Variants in DHX32 observed in about 807,000 individuals in gnomAD.
The protein encoded by DHX32 is DEAH-box helicase 32 (putative).
In DHX32, 51 loss-of-function variants were observed where a neutral mutation model predicts 70.0. The observed-to-expected ratio is 0.73, with a 90% confidence interval of 0.58 to 0.92. The LOEUF (loss-of-function observed/expected upper bound fraction) is 0.92. Ranked by LOEUF, DHX32 falls within the 40% of genes least tolerant of loss-of-function variation. The probability of loss-of-function intolerance (pLI) is 0.00; values close to 1 mark genes in which losing one functional copy is unlikely to be tolerated. For missense variants in DHX32, 762 were observed against 891.8 expected, an observed-to-expected ratio of 0.85 and a Z score of 1.85; for synonymous variants, 310 against 315.3, an observed-to-expected ratio of 0.98 and a Z score of 0.18.
At chr10:125,848,801 C>T (rs1944055402) in intron 6 of DHX32, among the ~76,000 whole-genome samples, 1 of 152,122 alleles carries the variant, frequency 6.6e-6, no homozygotes, top group Admixed American at 6.6e-5. Flanking sequence ...ATTTACTATA[C>T]ACCAGTCACT....
upstream of DHX32, among the ~76,000 whole-genome samples, chr10:125,882,989 T>C (rs1200354962): frequency 2.0e-5 from 3 of 152,210 alleles, no homozygotes; most frequent in Non-Finnish European, 4.4e-5. Context: ...TTAGGTAGTA[T>C]TTCTTAACTG....
At chr10:125,856,792 A>C (rs1340032782) in intron 3 of DHX32, among the ~76,000 whole-genome samples, 3 of 152,030 alleles carry the variant, frequency 2.0e-5, no homozygotes, top group Non-Finnish European at 2.9e-5. Flanking sequence ...CCAAAAAAAA[A>C]ACAAAAAACA....
At chr10:125,882,625 C>T (rs1944323910), upstream of DHX32, among the ~76,000 whole-genome samples, 1 of 152,146 alleles carries the variant, frequency 6.6e-6, no homozygotes, top group Admixed American at 6.6e-5. Context: ...AACTTCATAG[C>T]TCTTCCCAAG....
rs1944176357 is a variant in DHX32, at chr10:125,860,014, C to T, written c.477-39G>A. ...ACATTAAAGTTAGAATATTCTTATGCTAACTCATGCAAAAAACTTCCTAAC... is the reference window on the plus strand; with the variant it reads ...ACATTAAAGTTAGAATATTCTTATGTTAACTCATGCAAAAAACTTCCTAAC... On this transcript the variant is annotated intron_variant, in intron 2 of 10. Transcript: ENST00000284690. 8 of 1,474,896 alleles carry T rather than the reference C, an allele frequency of 5.4e-6. No individual in the cohort carries two copies. The East Asian group carries it at 1.6e-4, about 30-fold the overall frequency. 91.4% of individuals were successfully genotyped at this position (1,474,896 alleles called of 1,614,324 possible). A position where few individuals can be genotyped will look rare whatever the true frequency, so the allele number is the denominator to read the frequency against.
At chr10:125,887,870 C>A (rs141573976) in intron 1 of DHX32, among the ~76,000 whole-genome samples, 3,843 of 152,196 alleles carry the variant, frequency 0.025, 164 homozygotes, top group African/African-American at 0.087. Context: ...GCAAAAGGCA[C>A]AACAAACGTG....
At chr10:125,862,978 G>GT (rs1944199227) in intron 2 of DHX32, among the ~76,000 whole-genome samples, 1 of 151,804 alleles carries the variant, frequency 6.6e-6, no homozygotes, top group Non-Finnish European at 1.5e-5. Context: ...TAATAAGTAC[G>GT]TAAAAAAAAT....
intron 6 of DHX32, among the ~76,000 whole-genome samples, chr10:125,849,440 C>T (rs1944062883): frequency 6.6e-6 from 1 of 152,190 alleles, no homozygotes; most frequent in Non-Finnish European, 1.5e-5. Flanking sequence ...ACACACTGGC[C>T]CTGGAAAGTT....
intron 6 of DHX32, among the ~76,000 whole-genome samples, chr10:125,844,204 A>T (rs369233407): frequency 9.1e-4 from 139 of 152,378 alleles, no homozygotes; most frequent in African/African-American, 3.2e-3. Context: ...CTGCTGGAGA[A>T]GGTACAAGAA....
intron 6 of DHX32, among the ~76,000 whole-genome samples, chr10:125,846,817 G>C (rs1468502286): frequency 6.6e-6 from 1 of 152,130 alleles, no homozygotes; most frequent in African/African-American, 2.4e-5. Flanking sequence ...GGGCGTTTTC[G>C]ACTTTAGACC....
intron 4 of DHX32, chr10:125,853,054 A>T: frequency 2.6e-6 from 3 of 1,136,912 alleles, no homozygotes; most frequent in Non-Finnish European, 2.6e-6. Context: ...TTTACAACAC[A>T]TACTGAGAGT....
chr10:125,886,331 A>AT (rs111787983), intron 1 of DHX32, among the ~76,000 whole-genome samples: 1 of 152,050 alleles, frequency 6.6e-6, no homozygotes, highest in African/African-American at 2.4e-5. Context: ...TAACTGCTTC[A>AT]TTTTTTCTCC....
chr10:125,879,638 A>T (rs1944305583), intron 1 of DHX32, among the ~76,000 whole-genome samples: 1 of 152,088 alleles, frequency 6.6e-6, no homozygotes, highest in Admixed American at 6.6e-5. Flanking sequence ...TTGCTCAAAC[A>T]AACTCCTTGT....
chr10:125,841,782 A>T lies in DHX32; in HGVS notation c.1504T>A (p.Cys502Ser). The change falls in exon 7 of 11, where the codon TGT becomes AGT. Residue 502 changes from cysteine to serine, a missense_variant. Around this residue, in one of 3 missense-constraint regions of DHX32, gnomAD observed 366 missense variants for 402.6 expected, o/e 0.91. Transcript: ENST00000284690. ...GCGATTGTTAGCACTTCATCTACAC[A>T]GTCAAATTCACAGGACGCTAAGATA... ...KSILASCEFD[C>S]VDEVLTIAAM... 6.2e-7 allele frequency: 1 copy of T among 1,612,966 alleles called. No individual in the cohort carries two copies. The highest frequency in any genetic ancestry group is 8.5e-7 in the Non-Finnish European group (1 of 1,179,808).
At chr10:125,865,911 G>C (rs1005500596) in intron 2 of DHX32, among the ~76,000 whole-genome samples, 4 of 152,166 alleles carry the variant, frequency 2.6e-5, no homozygotes, top group Admixed American at 2.0e-4. Flanking sequence ...CCACTATCCA[G>C]TTTACCGAAC....
chr10:125,852,689 C>A, intron 4 of DHX32, 47 bp from the exon 5 acceptor site: 1 of 1,523,334 alleles, frequency 6.6e-7, no homozygotes, highest in South Asian at 1.3e-5. Context: ...AGTCATGATT[C>A]AGTAGGCTCA....
At chr10:125,840,718 T>A in intron 8 of DHX32, 129 bp downstream of exon 8, 16 of 1,063,120 alleles carry the variant, frequency 1.5e-5, no homozygotes, top group Non-Finnish European at 2.1e-5. Flanking sequence ...GTTTAGGGCC[T>A]CAAGTGCCAT....
At chr10:125,891,590 T>TA (rs33967523) in intron 1 of DHX32, among the ~76,000 whole-genome samples, 1 of 118,898 alleles carries the variant, frequency 8.4e-6, no homozygotes, top group Non-Finnish European at 1.9e-5. Flanking sequence ...AAAAATGTTT[T>TA]AAAAAATATT....
Position 125,853,094 on chromosome 10 carries a change from C to T in DHX32, c.1093-452G>A, listed in dbSNP as rs138618962. Reference sequence around the variant, plus strand: ...ATCATAACAGCTAATACAGAAACTGCGTATGGCACTAACAATGATTTTCCT... The same window carrying T: ...ATCATAACAGCTAATACAGAAACTGTGTATGGCACTAACAATGATTTTCCT... On this transcript the variant is annotated intron_variant, in intron 4 of 10. Transcript: ENST00000284690. The T allele has an allele frequency of 2.4e-3, 3,541 of 1,471,156 alleles. 6 individuals carry two copies. The highest frequency in any genetic ancestry group is 2.9e-3 in the Non-Finnish European group (3,091 of 1,063,264). The allele number at this position is 1,471,156 out of a possible 1,614,324, so 91.1% of individuals were successfully genotyped here.
chr10:125,841,535 A>G, intron 7 of DHX32: 1 of 1,428,414 alleles, frequency 7.0e-7, no homozygotes, highest in Non-Finnish European at 9.1e-7. Context: ...CTGAACTTTG[A>G]GTTAGTTTTC....
Sources: allele counts gnomAD v4.1 joint callset (sites outside exome capture counted in the v4.1 genomes callset), GRCh38; gene constraint gnomAD v4.1.1; regional missense constraint gnomAD v4.1.1; transcripts MANE v1.5; gene names NCBI Gene and HGNC (gene_info 2026-07-23, HGNC 2026-07-21).